Variants in CSMD1 observed in about 807,000 individuals in gnomAD.
CSMD1 encodes CUB and sushi domain-containing protein 1.
In CSMD1, 213 loss-of-function variants were observed where a neutral mutation model predicts 417.5. The ratio of observed to expected loss-of-function variants is 0.51; its 90% CI spans 0.46 to 0.57. CSMD1 has a LOEUF of 0.57. Among genes scored for constraint, CSMD1 ranks in the 20% least tolerant of loss-of-function variants. CSMD1 has a pLI of 0.00. For missense variants in CSMD1, 6,923 were observed against 4,529.7 expected (o/e 1.53, Z -15.17); for synonymous variants, 2,862 against 1,736.8 (o/e 1.65, Z -16.11).
At chr8:4,038,297 C>T (rs890736953) in intron 3 of CSMD1, among the ~76,000 whole-genome samples, 1 of 151,904 alleles carries the variant, frequency 6.6e-6, no homozygotes, top group Non-Finnish European at 1.5e-5. Context: ...TAGTTTCAAA[C>T]ACCAAAAAAC....
chr8:4,685,044 T>C (rs1806284390), intron 1 of CSMD1, among the ~76,000 whole-genome samples: 2 of 152,214 alleles, frequency 1.3e-5, no homozygotes, highest in South Asian at 2.1e-4. Context: ...GCTTCCAACA[T>C]GATTCTTCTG....
intron 1 of CSMD1, among the ~76,000 whole-genome samples, chr8:4,808,641 C>G (rs953137296): frequency 6.6e-6 from 1 of 152,132 alleles, no homozygotes; most frequent in Non-Finnish European, 1.5e-5. Flanking sequence ...GCAATCATAC[C>G]AACAGCCTTT....
intron 3 of CSMD1, among the ~76,000 whole-genome samples, chr8:4,059,296 T>C (rs1798851494): frequency 6.8e-6 from 1 of 147,550 alleles, no homozygotes; most frequent in South Asian, 2.3e-4. Context: ...CAAAACACTG[T>C]GTAGAGTGAA....
intron 4 of CSMD1, among the ~76,000 whole-genome samples, chr8:4,004,780 T>A (rs1252792204): frequency 7.2e-5 from 11 of 152,202 alleles, no homozygotes; most frequent in Non-Finnish European, 2.9e-5. Context: ...CGTCTCACTC[T>A]GTTGCCCAGG....
At chr8:4,526,991 T>C (rs1391337396) in intron 2 of CSMD1, among the ~76,000 whole-genome samples, 1 of 152,214 alleles carries the variant, frequency 6.6e-6, no homozygotes, top group Non-Finnish European at 1.5e-5. Flanking sequence ...CACATCCTCT[T>C]ACTTACAAAG....
At chr8:3,563,833 G>T (rs553979381) in intron 10 of CSMD1, among the ~76,000 whole-genome samples, 5 of 152,230 alleles carry the variant, frequency 3.3e-5, no homozygotes, top group African/African-American at 1.2e-4. Flanking sequence ...AGGTTGCAGT[G>T]AGCCAAGAGT....
At chr8:4,122,288 G>C (rs566856387) in intron 3 of CSMD1, among the ~76,000 whole-genome samples, 2 of 152,080 alleles carry the variant, frequency 1.3e-5, no homozygotes, top group Admixed American at 6.6e-5. Context: ...TTATAGATTT[G>C]CTGGTCATAA....
At chr8:4,704,027 C>A (rs74845931) in intron 1 of CSMD1, among the ~76,000 whole-genome samples, 3 of 152,160 alleles carry the variant, frequency 2.0e-5, no homozygotes, top group South Asian at 2.1e-4. Flanking sequence ...TGAGACGAGG[C>A]GGATCTCAGG....
chr8:3,427,982 G>T (rs191684411), intron 12 of CSMD1, among the ~76,000 whole-genome samples: 42 of 152,258 alleles, frequency 2.8e-4, no homozygotes, highest in African/African-American at 9.6e-4. Context: ...TTTAGAAAAT[G>T]GAATTAAGCC....
intron 54 of CSMD1, among the ~76,000 whole-genome samples, chr8:2,995,457 T>C (rs935768036): frequency 6.6e-6 from 1 of 152,138 alleles, no homozygotes; most frequent in African/African-American, 2.4e-5. Context: ...GGATGACAAA[T>C]AGTACCGCCA....
At chr8:3,966,480 A>G (rs191395139) in intron 5 of CSMD1, among the ~76,000 whole-genome samples, 1 of 152,080 alleles carries the variant, frequency 6.6e-6, no homozygotes, top group Non-Finnish European at 1.5e-5. Flanking sequence ...CATTTCTGTT[A>G]TTTATTTATT....
chr8:3,978,185 T>A (rs1392101040), intron 5 of CSMD1, among the ~76,000 whole-genome samples: 6 of 152,160 alleles, frequency 3.9e-5, no homozygotes, highest in African/African-American at 1.4e-4. Flanking sequence ...TCTGCAGGAC[T>A]CCTGTTATTA....
At chr8:4,573,153 T>C (rs1043144424) in intron 2 of CSMD1, among the ~76,000 whole-genome samples, 6 of 152,182 alleles carry the variant, frequency 3.9e-5, no homozygotes, top group African/African-American at 1.4e-4. Context: ...TCCCGTTGTG[T>C]TCCCTTGCTG....
At chr8:4,875,344 T>C (rs937353805) in intron 1 of CSMD1, among the ~76,000 whole-genome samples, 3 of 152,108 alleles carry the variant, frequency 2.0e-5, no homozygotes, top group African/African-American at 7.3e-5. Context: ...GGTTATTGAA[T>C]ATTTTGGAAC....
At chr8:4,154,083 A>C (rs1796705412) in intron 3 of CSMD1, among the ~76,000 whole-genome samples, 1 of 152,228 alleles carries the variant, frequency 6.6e-6, no homozygotes, top group South Asian at 2.1e-4. Flanking sequence ...TGGAAGAAAC[A>C]CTGAAAATAC....
At chr8:4,823,590 G>C (rs542636052) in intron 1 of CSMD1, among the ~76,000 whole-genome samples, 1 of 152,018 alleles carries the variant, frequency 6.6e-6, no homozygotes, top group South Asian at 2.1e-4. Flanking sequence ...GCAAAGATGG[G>C]CATTTGCCCA....
chr8:3,748,109 T>C (rs916270272), intron 6 of CSMD1, among the ~76,000 whole-genome samples: 4 of 152,240 alleles, frequency 2.6e-5, no homozygotes, highest in South Asian at 2.1e-4. Context: ...TTGGAACCCA[T>C]AGATGGACAC....
intron 2 of CSMD1, among the ~76,000 whole-genome samples, chr8:4,625,915 G>C (rs992527039): frequency 1.3e-5 from 2 of 151,978 alleles, no homozygotes; most frequent in African/African-American, 4.8e-5. Flanking sequence ...GTAGAGACGG[G>C]GTTTCACCAT....
chr8:3,183,751 C>A (rs972001354), intron 36 of CSMD1, among the ~76,000 whole-genome samples: 1 of 152,222 alleles, frequency 6.6e-6, no homozygotes, highest in African/African-American at 2.4e-5. Context: ...TCAAAGCTTC[C>A]TCTTTCTCCA....
Sources: gnomAD v4.1 joint callset for allele counts (sites outside exome capture counted in the v4.1 genomes callset) on GRCh38, gnomAD v4.1.1 for gene constraint, MANE v1.5 for transcripts, NCBI Gene and HGNC (gene_info 2026-07-23, HGNC 2026-07-21) for gene names.